CLASP2: variants seen among roughly 807,000 people sequenced by gnomAD.
CLASP2 encodes the protein CLIP-associating protein 2.
A neutral mutation model predicts 194.4 loss-of-function variants in CLASP2; 47 were observed. That is an observed-to-expected ratio of 0.24 (90% confidence interval 0.19 to 0.31). CLASP2 has a LOEUF of 0.31. CLASP2 is among the 10% of genes least tolerant of loss of function. CLASP2 has a pLI of 1.00. For missense variants in CLASP2, 1,445 were observed against 1,823.6 expected, an observed-to-expected ratio of 0.79 and a Z score of 3.78; for synonymous variants, 619 against 633.5, an observed-to-expected ratio of 0.98 and a Z score of 0.34.
chr3:33,707,067 A>G (rs751365109), intron 1 of CLASP2, among the ~76,000 whole-genome samples: 7 of 152,232 alleles, frequency 4.6e-5, no homozygotes, highest in Non-Finnish European at 8.8e-5. Context: ...TACCACTAGC[A>G]CCACATTGCA....
chr3:33,689,790 T>A lies in CLASP2; in HGVS notation c.378+39A>T, dbSNP rs1482467375. ...TGTGGCTTTAATGATTTCCTGTGAT[T>A]ACCATTAGCAAAATCTGAATTTTAA... On this transcript the variant is annotated intron_variant, in intron 3 of 38. Coordinates refer to ENST00000682230, the MANE Select transcript of CLASP2 (RefSeq NM_001365631.1). The A allele has an allele frequency of 2.9e-6, 4 of 1,397,142 alleles. No individual in the cohort carries two copies. In the Admixed American group the frequency reaches 1.1e-4, roughly 37 times the overall value. The allele number at this position is 1,397,142 out of a possible 1,614,324, so 86.5% of individuals were successfully genotyped here. A position where few individuals can be genotyped will look rare whatever the true frequency, so the allele number is the denominator to read the frequency against.
chr3:33,560,759 A>G (rs977910270), intron 28 of CLASP2, 49 bp downstream of exon 28: 1 of 1,519,034 alleles, frequency 6.6e-7, no homozygotes. Context: ...GGGGTTAGAT[A>G]TTCCTAGTTA....
intron 2 of CLASP2, among the ~76,000 whole-genome samples, chr3:33,690,740 G>A (rs987122210): frequency 3.3e-5 from 5 of 152,088 alleles, no homozygotes; most frequent in Non-Finnish European, 5.9e-5. Flanking sequence ...GGACTGTCCC[G>A]CTCCATTCGG....
chr3:33,531,525 C>T (rs1023476239), intron 34 of CLASP2, among the ~76,000 whole-genome samples: 10 of 152,190 alleles, frequency 6.6e-5, no homozygotes, highest in Admixed American at 3.3e-4. Flanking sequence ...CCTGTAATCT[C>T]GGCACTTTGG....
chr3:33,520,421 AACAAACTATAAGGAGGGTAT>A (rs2052667130), intron 34 of CLASP2, among the ~76,000 whole-genome samples: 1 of 152,224 alleles, frequency 6.6e-6, no homozygotes, highest in Non-Finnish European at 1.5e-5. Flanking sequence ...CAGATTCCCA[AACAAACTATAAGGAGGGTAT>A]CCACTGGTGA....
chr3:33,559,184 T>C, intron 29 of CLASP2, 123 bp downstream of exon 29: 1 of 746,034 alleles, frequency 1.3e-6, no homozygotes, highest in Non-Finnish European at 2.4e-6. Flanking sequence ...GTCTGAAAGT[T>C]TATAAAAACA....
chr3:33,700,712 T>C (rs1176127797), intron 1 of CLASP2, among the ~76,000 whole-genome samples: 3 of 151,810 alleles, frequency 2.0e-5, no homozygotes, highest in Admixed American at 6.6e-5. Flanking sequence ...TAGCCAGGTG[T>C]GGTGGTGGGT....
intron 1 of CLASP2, among the ~76,000 whole-genome samples, chr3:33,714,750 AT>A (rs778327856): frequency 1.3e-5 from 2 of 151,188 alleles, no homozygotes; most frequent in South Asian, 2.1e-4. Context: ...CACTGTATTT[AT>A]TTTTTTTTAG....
intron 26 of CLASP2, among the ~76,000 whole-genome samples, chr3:33,567,417 T>A (rs2062942021): frequency 6.6e-6 from 1 of 152,126 alleles, no homozygotes; most frequent in Middle Eastern, 3.2e-3. Context: ...AGAGTATGGT[T>A]CAAGAGGTAG....
intron 33 of CLASP2, among the ~76,000 whole-genome samples, chr3:33,536,058 G>T (rs1010996634): frequency 1.2e-4 from 18 of 152,070 alleles, no homozygotes; most frequent in African/African-American, 4.3e-4. Flanking sequence ...TTACTACCAT[G>T]GGTATCAGCA....
At chr3:33,520,061 T>C (rs2052542837) in intron 34 of CLASP2, among the ~76,000 whole-genome samples, 1 of 152,224 alleles carries the variant, frequency 6.6e-6, no homozygotes, top group Admixed American at 6.5e-5. Context: ...TCACCCAGGC[T>C]GGAGTGCACT....
chr3:33,666,177 A>G (rs2086141989), intron 6 of CLASP2, among the ~76,000 whole-genome samples: 1 of 152,254 alleles, frequency 6.6e-6, no homozygotes, highest in Non-Finnish European at 1.5e-5. Flanking sequence ...CTCAGACTTT[A>G]TCTTTCTAAA....
intron 1 of CLASP2, among the ~76,000 whole-genome samples, chr3:33,714,075 A>G (rs1200753880): frequency 2.0e-5 from 3 of 152,226 alleles, no homozygotes; most frequent in African/African-American, 7.2e-5. Flanking sequence ...AAAAAGGAAA[A>G]TAATAGTATG....
intron 12 of CLASP2, among the ~76,000 whole-genome samples, chr3:33,618,257 T>C (rs2076540473): frequency 6.6e-6 from 1 of 152,090 alleles, no homozygotes; most frequent in African/African-American, 2.4e-5. Context: ...CTGGTGAGGA[T>C]AATTTGATGC....
At position 33,545,041 on chromosome 3, in the gene CLASP2, A is replaced by G. The variant is rs927288546; in HGVS notation, c.3154-200T>C. 2.7e-5 allele frequency: 11 copies of G among 409,388 alleles called. No homozygotes were observed. The South Asian group carries it at 6.0e-4, about 22-fold the overall frequency. 25.4% of individuals were successfully genotyped at this position (409,388 alleles called of 1,614,324 possible). ...GACCTACCTTTTTTTTTTTTAAGGT[A>G]AGAAGGGAATATGAAAAGCATAACA... On this transcript the variant is annotated intron_variant, in intron 30 of 38. Coordinates refer to ENST00000682230, the MANE Select transcript of CLASP2 (RefSeq NM_001365631.1).
chr3:33,708,535 TGTATATATGTATATATATATATATATAC>T (rs2092831734), intron 1 of CLASP2, among the ~76,000 whole-genome samples: 1 of 13,332 alleles, frequency 7.5e-5, no homozygotes, highest in Non-Finnish European at 1.5e-4. Context: ...TATATATATA[TGTATATATGTATATATATATATATATAC>T]ATACACACAC....
intron 1 of CLASP2, among the ~76,000 whole-genome samples, chr3:33,698,735 T>C (rs1409765954): frequency 6.6e-6 from 1 of 152,184 alleles, no homozygotes; most frequent in African/African-American, 2.4e-5. Context: ...ACACTATATG[T>C]AAGTTTAGCA....
intron 12 of CLASP2, among the ~76,000 whole-genome samples, chr3:33,613,868 A>C (rs985047882): frequency 9.2e-5 from 14 of 152,216 alleles, no homozygotes; most frequent in African/African-American, 2.9e-4. Flanking sequence ...AATCACATCC[A>C]TGACAGTGGC....
chr3:33,715,794 GCTC>G lies in CLASP2; in HGVS notation c.195+2011_195+2013del, dbSNP rs944756788. ...TATGATTCTATTTGTATGTTCAAAA[GCTC>G]CTATGACACACTTTTTAAAACAGTT... is the stretch of plus-strand genomic sequence containing the variant. On this transcript the variant is annotated intron_variant, in intron 1 of 38. Transcript: ENST00000682230. Among the ~76,000 whole-genome samples the G allele has an allele frequency of 6.7e-5, 8 of 120,148 alleles. No individual in the cohort carries two copies. In the Admixed American group the frequency reaches 8.9e-4, roughly 13 times the overall value. 78.8% of individuals were successfully genotyped at this position (120,148 alleles called of 152,430 possible).
Sources: allele counts gnomAD v4.1 joint callset (sites outside exome capture counted in the v4.1 genomes callset), GRCh38; gene constraint gnomAD v4.1.1; transcripts MANE v1.5; gene names NCBI Gene and HGNC (gene_info 2026-07-23, HGNC 2026-07-21).